SLC35D4: variants seen among roughly 807,000 people sequenced by gnomAD.
SLC35D4 encodes the protein UDP-N-acetylglucosamine transporter SLC35D4.
At chr18:23,381,667 G>A in the SLC35D4 span, among the ~76,000 whole-genome samples, 1 of 152,192 alleles carries the variant, frequency 6.6e-6, no homozygotes. Context: ...TGATGAAATG[G>A]AGTCGAAGAT....
the SLC35D4 span, among the ~76,000 whole-genome samples, chr18:23,404,483 G>C: frequency 6.6e-6 from 1 of 151,594 alleles, no homozygotes; most frequent in African/African-American, 2.4e-5. Flanking sequence ...GACCATCCTG[G>C]CCAACATGGT....
chr18:23,345,888 T>A, the SLC35D4 span, among the ~76,000 whole-genome samples: 1 of 152,208 alleles, frequency 6.6e-6, no homozygotes, highest in Non-Finnish European at 1.5e-5. Context: ...TTTGTTAAGT[T>A]CCAAAGTATT....
the SLC35D4 span, among the ~76,000 whole-genome samples, chr18:23,246,441 A>G: frequency 1.4e-3 from 205 of 151,706 alleles, 1 homozygote; most frequent in Admixed American, 3.9e-3. Flanking sequence ...GCCCAGGCTG[A>G]AGTGCAGTGG....
chr18:23,397,824 G>A, the SLC35D4 span, among the ~76,000 whole-genome samples: 4 of 152,136 alleles, frequency 2.6e-5, no homozygotes, highest in Admixed American at 6.5e-5. Context: ...AGGCTGAGGC[G>A]GCAGGATTGC....
the SLC35D4 span, chr18:23,368,615 G>A: frequency 6.9e-4 from 522 of 752,894 alleles, 1 homozygote; most frequent in Middle Eastern, 7.5e-3. Flanking sequence ...TATCTTCCTG[G>A]CAGGCACATT....
the SLC35D4 span, chr18:23,385,165 C>G: frequency 1.7e-6 from 2 of 1,157,090 alleles, no homozygotes; most frequent in Non-Finnish European, 2.5e-6. Context: ...GCTGTGGAAA[C>G]TTTTGGCATC....
chr18:23,336,189 C>T, the SLC35D4 span, among the ~76,000 whole-genome samples: 579 of 152,260 alleles, frequency 3.8e-3, 2 homozygotes, highest in African/African-American at 0.014. Flanking sequence ...GAATCCAAAA[C>T]TGTATTTCCC....
At chr18:23,377,563 G>A in the SLC35D4 span, 1 of 1,319,438 alleles carries the variant, frequency 7.6e-7, no homozygotes, top group South Asian at 1.5e-5. Context: ...CTTAGAGTAT[G>A]AATCTTGAAC....
chr18:23,345,566 C>G, the SLC35D4 span, among the ~76,000 whole-genome samples: 1 of 150,676 alleles, frequency 6.6e-6, no homozygotes, highest in African/African-American at 2.4e-5. Flanking sequence ...CCATAAATGC[C>G]TATCCCTACA....
the SLC35D4 span, among the ~76,000 whole-genome samples, chr18:23,242,565 T>A: frequency 6.6e-6 from 1 of 151,942 alleles, no homozygotes; most frequent in Non-Finnish European, 1.5e-5. Context: ...TCTTTATGGG[T>A]GTGGAAGGCA....
the SLC35D4 span, among the ~76,000 whole-genome samples, chr18:23,353,128 A>AT: frequency 2.4e-5 from 2 of 82,412 alleles, no homozygotes; most frequent in African/African-American, 4.0e-5. Flanking sequence ...TGTGTATGTG[A>AT]GAGAGAGAGA....
chr18:23,362,524 G>A, the SLC35D4 span, among the ~76,000 whole-genome samples: 1 of 152,146 alleles, frequency 6.6e-6, no homozygotes, highest in African/African-American at 2.4e-5. Context: ...ACTTGAACCT[G>A]GGAGGCGGAG....
chr18:23,358,996 A>T, the SLC35D4 span, among the ~76,000 whole-genome samples: 1 of 152,204 alleles, frequency 6.6e-6, no homozygotes, highest in South Asian at 2.1e-4. Flanking sequence ...GGCCCCAGCC[A>T]CATGCAAACT....
the SLC35D4 span, among the ~76,000 whole-genome samples, chr18:23,341,889 G>A: frequency 6.6e-6 from 1 of 150,998 alleles, no homozygotes; most frequent in Non-Finnish European, 1.5e-5. Context: ...CTATTGAAGA[G>A]AAAAATTATA....
the SLC35D4 span, chr18:23,352,123 C>T: frequency 4.4e-6 from 6 of 1,378,520 alleles, no homozygotes; most frequent in South Asian, 1.3e-5. Context: ...AACAACTTCA[C>T]ATTACCCAGG....
the SLC35D4 span, among the ~76,000 whole-genome samples, chr18:23,435,055 G>T: frequency 6.6e-6 from 1 of 151,812 alleles, no homozygotes; most frequent in African/African-American, 2.4e-5. Context: ...CTACTCGGGA[G>T]GCTGAGGCAC....
chr18:23,319,093 C>G, the SLC35D4 span, among the ~76,000 whole-genome samples: 10 of 151,978 alleles, frequency 6.6e-5, no homozygotes, highest in African/African-American at 2.4e-4. Flanking sequence ...ATCCACCCAC[C>G]TCGGCCTCCC....
At chr18:23,382,215 A>C in the SLC35D4 span, among the ~76,000 whole-genome samples, 1 of 141,222 alleles carries the variant, frequency 7.1e-6, no homozygotes, top group African/African-American at 2.6e-5. Flanking sequence ...ACTCCAGCCC[A>C]GGTGACAGTG....
chr18:23,347,399 ATCTCTC>A, the SLC35D4 span, among the ~76,000 whole-genome samples: 3 of 149,036 alleles, frequency 2.0e-5, no homozygotes, highest in Non-Finnish European at 4.5e-5. Flanking sequence ...GATAATTTGC[ATCTCTC>A]TCTCTCTCTC....
Sources: allele counts gnomAD v4.1 joint callset (sites outside exome capture counted in the v4.1 genomes callset), GRCh38; gene constraint gnomAD v4.1.1; transcripts MANE v1.5; gene names NCBI Gene and HGNC (gene_info 2026-07-23, HGNC 2026-07-21).